The following ATRNL1 variants were observed in gnomAD, a reference collection of about 807,000 sequenced individuals.
ATRNL1 encodes the protein attractin-like protein 1.
ATRNL1 carries 95 observed loss-of-function variants against 182.7 expected under a neutral mutation model. That is an observed-to-expected ratio of 0.52 (90% CI 0.44 to 0.62). The LOEUF (loss-of-function observed/expected upper bound fraction) is 0.62. Among genes scored for constraint, ATRNL1 ranks in the 20% least tolerant of loss-of-function variants. The pLI is 0.00. For synonymous variants in ATRNL1, 576 were observed against 568.3 expected (o/e 1.01, Z -0.19); for missense variants, 1,471 against 1,679.5 (o/e 0.88, Z 2.17).
At chr10:115,838,086 T>C (rs1376719129) in intron 27 of ATRNL1, among the ~76,000 whole-genome samples, 1 of 152,294 alleles carries the variant, frequency 6.6e-6, no homozygotes, top group African/African-American at 2.4e-5. Flanking sequence ...ATTTTCTGTA[T>C]GGAAAAGCTG....
Position 115,519,373 on chromosome 10 carries a change from A to AT in ATRNL1, c.3716+50dup, listed in dbSNP as rs782263673. ...TTGAACTTTTCAAGCCTGTATTCTG[A>AT]TATATGTCCTGTCAATCTGTTAGAT... On this transcript the variant is annotated intron_variant, in intron 25 of 28. Transcript: ENST00000355044. The AT allele has an allele frequency of 2.1e-6, 3 of 1,432,866 alleles. No individual in the cohort carries two copies. In the South Asian group the frequency reaches 3.5e-5, roughly 17 times the overall value. The allele number at this position is 1,432,866 out of a possible 1,614,324, so 88.8% of individuals were successfully genotyped here. A position where few individuals can be genotyped will look rare whatever the true frequency, so the allele number is the denominator to read the frequency against.
chr10:115,247,912 G>C (rs1850713905), intron 10 of ATRNL1, among the ~76,000 whole-genome samples: 1 of 152,148 alleles, frequency 6.6e-6, no homozygotes, highest in Non-Finnish European at 1.5e-5. Context: ...AGCGAAATAA[G>C]CCAGGAACAG....
intron 1 of ATRNL1, 84 bp downstream of exon 1, chr10:115,094,127 G>A: frequency 4.9e-6 from 6 of 1,233,124 alleles, no homozygotes; most frequent in South Asian, 4.9e-5. Context: ...GGCCTCCCCC[G>A]CCCCCGTCGC....
chr10:115,294,284 G>A lies in ATRNL1; in HGVS notation c.2416-5750G>A, dbSNP rs144942120. The stretch of plus-strand genomic sequence containing the variant: ...GGATCACTTGTAAGCCCAGGAGATC[G>A]AGGCTAGCCTAGGCAACATAGCAAG... On this transcript the variant is annotated intron_variant, in intron 15 of 28. Coordinates refer to ENST00000355044, the MANE Select transcript of ATRNL1 (RefSeq NM_207303.4). Among the ~76,000 whole-genome samples, 353 of 152,264 alleles carry A rather than the reference G, an allele frequency of 2.3e-3. 1 individual carries two copies. Among genetic ancestry groups the A allele is most frequent in the Middle Eastern group, 0.01 (3 of 294 alleles).
intron 1 of ATRNL1, among the ~76,000 whole-genome samples, chr10:115,100,286 A>C (rs1843721454): frequency 6.6e-6 from 1 of 152,190 alleles, no homozygotes; most frequent in Non-Finnish European, 1.5e-5. Context: ...CAACACAGCA[A>C]GACCATGTCT....
intron 26 of ATRNL1, among the ~76,000 whole-genome samples, chr10:115,654,214 C>A (rs981519596): frequency 2.6e-5 from 4 of 150,976 alleles, no homozygotes; most frequent in Non-Finnish European, 5.9e-5. Context: ...CTGTGAATTT[C>A]TTTTCTTTTT....
At chr10:115,449,248 G>T (rs1271208779) in intron 21 of ATRNL1, among the ~76,000 whole-genome samples, 1 of 152,184 alleles carries the variant, frequency 6.6e-6, no homozygotes, top group African/African-American at 2.4e-5. Context: ...GGAGAGAAGA[G>T]AAGAAGCAGC....
chr10:115,673,619 T>C (rs1219313669), intron 26 of ATRNL1, among the ~76,000 whole-genome samples: 1 of 152,068 alleles, frequency 6.6e-6, no homozygotes, highest in Non-Finnish European at 1.5e-5. Flanking sequence ...CACTAGATAA[T>C]ATAAAAGTAA....
At chr10:115,221,609 G>A (rs1168942775) in intron 9 of ATRNL1, among the ~76,000 whole-genome samples, 1 of 152,142 alleles carries the variant, frequency 6.6e-6, no homozygotes, top group Non-Finnish European at 1.5e-5. Flanking sequence ...GGCATTTTGT[G>A]TAATTTTAAC....
At chr10:115,521,828 T>G (rs2133708947) in intron 25 of ATRNL1, among the ~76,000 whole-genome samples, 1 of 152,336 alleles carries the variant, frequency 6.6e-6, no homozygotes, top group Admixed American at 6.5e-5. Context: ...AAGAAAAATA[T>G]GGACAGGATA....
At chr10:115,300,008 A>C (rs1554923902) in intron 15 of ATRNL1, 26 bp from the exon 16 acceptor site, 2 of 1,540,082 alleles carry the variant, frequency 1.3e-6, no homozygotes, top group East Asian at 4.6e-5. Context: ...ACTTTCTTTG[A>C]ATGCCCCTTT....
At chr10:115,353,375 T>G (rs1181757225) in intron 19 of ATRNL1, among the ~76,000 whole-genome samples, 2 of 152,212 alleles carry the variant, frequency 1.3e-5, no homozygotes, top group Non-Finnish European at 2.9e-5. Context: ...TTATCTGACA[T>G]AGGTATAGCT....
At chr10:115,586,822 G>A (rs1456473131) in intron 26 of ATRNL1, among the ~76,000 whole-genome samples, 2 of 113,670 alleles carry the variant, frequency 1.8e-5, no homozygotes, top group African/African-American at 5.5e-5. Context: ...TGGAGGAGGA[G>A]AGGCGCTCTG....
chr10:115,396,782 A>G (rs573705988), intron 20 of ATRNL1, among the ~76,000 whole-genome samples: 1 of 152,080 alleles, frequency 6.6e-6, no homozygotes. Context: ...TATTGCAGTA[A>G]CATATTTTTG....
intron 26 of ATRNL1, among the ~76,000 whole-genome samples, chr10:115,555,359 T>G (rs1853251786): frequency 1.3e-5 from 2 of 151,850 alleles, no homozygotes; most frequent in Non-Finnish European, 3.0e-5. Flanking sequence ...AAATATATCT[T>G]AAAGATATAT....
At chr10:115,150,302 C>T (rs1846164584) in intron 5 of ATRNL1, among the ~76,000 whole-genome samples, 1 of 150,344 alleles carries the variant, frequency 6.7e-6, no homozygotes. Flanking sequence ...CATGTTGATC[C>T]TTTGTATTTT....
intron 19 of ATRNL1, among the ~76,000 whole-genome samples, chr10:115,336,261 C>G (rs1188820705): frequency 6.6e-6 from 1 of 152,142 alleles, no homozygotes; most frequent in Non-Finnish European, 1.5e-5. Context: ...CCAGGAAGAT[C>G]CAGTTGTTCT....
chr10:115,380,957 C>G (rs1461990618), intron 19 of ATRNL1, among the ~76,000 whole-genome samples: 2 of 152,112 alleles, frequency 1.3e-5, no homozygotes, highest in Non-Finnish European at 2.9e-5. Flanking sequence ...TTTTCATGGA[C>G]TACCAAATTG....
intron 27 of ATRNL1, among the ~76,000 whole-genome samples, chr10:115,752,534 A>G (rs1194649881): frequency 6.6e-6 from 1 of 152,028 alleles, no homozygotes; most frequent in Non-Finnish European, 1.5e-5. Flanking sequence ...ATTGACCATT[A>G]CATTTAGTGT....
Sources: allele counts gnomAD v4.1 joint callset (sites outside exome capture counted in the v4.1 genomes callset), GRCh38; gene constraint gnomAD v4.1.1; transcripts MANE v1.5; gene names NCBI Gene and HGNC (gene_info 2026-07-23, HGNC 2026-07-21).